The following MEOX2 variants were observed in gnomAD, a reference collection of about 807,000 sequenced individuals.
MEOX2 encodes homeobox protein MOX-2.
Under a neutral mutation model 27.0 loss-of-function variants are expected in MEOX2, and 11 were observed. The observed-to-expected ratio is 0.41, with a 90% CI of 0.26 to 0.68. The LOEUF (loss-of-function observed/expected upper bound fraction) is 0.68, where lower values mean the gene tolerates loss of function less well. Ranked by LOEUF, MEOX2 falls within the 30% of genes least tolerant of loss-of-function variation. The pLI is 0.33. For synonymous variants in MEOX2, 189 were observed against 155.4 expected (o/e 1.22, Z -1.61); for missense variants, 436 against 385.4 (o/e 1.13, Z -1.10).
At chr7:15,625,458 T>A (rs1038949010) in intron 2 of MEOX2, among the ~76,000 whole-genome samples, 5 of 152,206 alleles carry the variant, frequency 3.3e-5, no homozygotes, top group Admixed American at 6.6e-5. Context: ...CCTCTGTATA[T>A]TTCTACTACC....
intron 2 of MEOX2, among the ~76,000 whole-genome samples, chr7:15,622,814 A>T (rs1781241578): frequency 6.6e-6 from 1 of 152,202 alleles, no homozygotes; most frequent in Non-Finnish European, 1.5e-5. Context: ...TGACGGCATT[A>T]GGAGATGGGG....
intron 2 of MEOX2, among the ~76,000 whole-genome samples, chr7:15,613,614 C>G (rs937987307): frequency 1.3e-5 from 2 of 151,968 alleles, no homozygotes; most frequent in Non-Finnish European, 2.9e-5. Context: ...ACCTCCAAGT[C>G]TTTCTTAAAA....
chr7:15,653,350 G>C (rs1433453359), intron 1 of MEOX2, among the ~76,000 whole-genome samples: 2 of 152,016 alleles, frequency 1.3e-5, no homozygotes, highest in East Asian at 3.9e-4. Context: ...GTTGAGACTT[G>C]AGAGTTCTTT....
chr7:15,674,629 GT>G (rs1217112771), intron 1 of MEOX2, among the ~76,000 whole-genome samples: 1 of 151,688 alleles, frequency 6.6e-6, no homozygotes, highest in African/African-American at 2.4e-5. Flanking sequence ...AAGGAAAAAA[GT>G]TATGGAATAA....
chr7:15,680,140 C>T (rs1046349048), intron 1 of MEOX2: 1 of 151,726 alleles, frequency 6.6e-6, no homozygotes, highest in African/African-American at 2.4e-5. Context: ...ATAACCCATT[C>T]GATCATACAC....
At chr7:15,615,614 T>C (rs560047907) in intron 2 of MEOX2, among the ~76,000 whole-genome samples, 1 of 152,140 alleles carries the variant, frequency 6.6e-6, no homozygotes, top group South Asian at 2.1e-4. Flanking sequence ...ATTAGATCTA[T>C]TCCACATGAG....
Position 15,626,764 on chromosome 7 carries a change from C to G in MEOX2, c.672G>C (p.Leu224=). 1 of 1,608,218 alleles carries G rather than the reference C, an allele frequency of 6.2e-7. No individual in the cohort carries two copies. The highest frequency in any genetic ancestry group is 1.1e-5 in the South Asian group (1 of 90,588). The change falls in exon 2 of 3, where the codon CTG becomes CTC. Residue 224 remains leucine (L), a synonymous_variant. Transcript: ENST00000262041. ...RLRRYEIAVN[L]DLTERQVKVW... is the part of the protein sequence containing the mutation. ...GCTTTACCTGTCTTTCAGTGAGATC[C>G]AGATTCACTGCTATCTCGTATCGCC...
At chr7:15,662,116 G>C (rs981039867) in intron 1 of MEOX2, among the ~76,000 whole-genome samples, 1 of 125,778 alleles carries the variant, frequency 8.0e-6, no homozygotes, top group Non-Finnish European at 1.6e-5. Flanking sequence ...TACTGGTGTT[G>C]ACTAGGAAAA....
chr7:15,625,581 C>G (rs1781290850), intron 2 of MEOX2, among the ~76,000 whole-genome samples: 1 of 152,158 alleles, frequency 6.6e-6, no homozygotes, highest in Admixed American at 6.6e-5. Flanking sequence ...TTTGTCCACA[C>G]CCTGTTGATA....
intron 2 of MEOX2, among the ~76,000 whole-genome samples, chr7:15,617,219 A>C (rs756129419): frequency 2.0e-5 from 3 of 152,108 alleles, no homozygotes; most frequent in Non-Finnish European, 4.4e-5. Flanking sequence ...GCCTCTAAAC[A>C]TCTGGGATTT....
At chr7:15,667,455 G>T (rs1414786564) in intron 1 of MEOX2, among the ~76,000 whole-genome samples, 2 of 151,834 alleles carry the variant, frequency 1.3e-5, no homozygotes, top group Non-Finnish European at 2.9e-5. Context: ...TCCATCTTTG[G>T]CTTCCCTATT....
chr7:15,672,613 C>G (rs1782117712), intron 1 of MEOX2, among the ~76,000 whole-genome samples: 1 of 151,998 alleles, frequency 6.6e-6, no homozygotes, highest in Non-Finnish European at 1.5e-5. Context: ...AAATATTGGG[C>G]AGGTCGCGGT....
chr7:15,675,484 A>C (rs1782178091), intron 1 of MEOX2, among the ~76,000 whole-genome samples: 1 of 152,190 alleles, frequency 6.6e-6, no homozygotes, highest in African/African-American at 2.4e-5. Context: ...CTAAAAACTT[A>C]AGGCTTCAAA....
chr7:15,629,314 A>G (rs1022144925), intron 1 of MEOX2, among the ~76,000 whole-genome samples: 11 of 152,186 alleles, frequency 7.2e-5, no homozygotes, highest in African/African-American at 2.6e-4. Flanking sequence ...GGGTCTATAT[A>G]CACACTCATT....
chr7:15,681,154 G>A (rs192380151), intron 1 of MEOX2: 3 of 151,532 alleles, frequency 2.0e-5, no homozygotes, highest in Non-Finnish European at 4.4e-5. Flanking sequence ...AGTATTTATC[G>A]CTCAAAGATA....
At chr7:15,640,254 TTGTGTG>T (rs34600761) in intron 1 of MEOX2, among the ~76,000 whole-genome samples, 7 of 145,914 alleles carry the variant, frequency 4.8e-5, no homozygotes, top group Admixed American at 6.9e-5. Context: ...GTGTGTGTGT[TTGTGTG>T]TGTGTGTGTG....
At chr7:15,684,255 G>A (rs899256685) in intron 1 of MEOX2, among the ~76,000 whole-genome samples, 1 of 152,156 alleles carries the variant, frequency 6.6e-6, no homozygotes, top group Non-Finnish European at 1.5e-5. Flanking sequence ...AACCCGAACT[G>A]GGATCTGCTT....
intron 1 of MEOX2, among the ~76,000 whole-genome samples, chr7:15,639,771 T>G (rs1280656821): frequency 3.3e-5 from 5 of 152,056 alleles, no homozygotes; most frequent in Non-Finnish European, 7.4e-5. Context: ...TCAGCTAGCA[T>G]TAGGAGTGTG....
chr7:15,682,926 A>G (rs1782315649), intron 1 of MEOX2, among the ~76,000 whole-genome samples: 1 of 152,008 alleles, frequency 6.6e-6, no homozygotes, highest in Non-Finnish European at 1.5e-5. Context: ...ATAAAATATA[A>G]TGGTGTGTTT....
Sources: allele counts gnomAD v4.1 joint callset (sites outside exome capture counted in the v4.1 genomes callset), GRCh38; gene constraint gnomAD v4.1.1; transcripts MANE v1.5; gene names NCBI Gene and HGNC (gene_info 2026-07-23, HGNC 2026-07-21).